The following PTGER3 variants were observed in gnomAD, a reference collection of about 807,000 sequenced individuals.
The protein encoded by PTGER3 is prostaglandin E receptor 3.
Under a neutral mutation model 34.7 loss-of-function variants are expected in PTGER3, and 22 were observed. The ratio of observed to expected loss-of-function variants is 0.63; its 90% CI spans 0.45 to 0.91. The LOEUF (loss-of-function observed/expected upper bound fraction) is 0.91. Ranked by LOEUF, PTGER3 falls within the 40% of genes least tolerant of loss-of-function variation. PTGER3 has a pLI of 0.00. For missense variants in PTGER3, 468 were observed against 519.4 expected (o/e 0.90, Z 0.96); for synonymous variants, 241 against 230.1 (o/e 1.05, Z -0.43).
At chr1:70,905,059 C>G (rs1213466694) in intron 4 of PTGER3, among the ~76,000 whole-genome samples, 2 of 152,094 alleles carry the variant, frequency 1.3e-5, no homozygotes, top group African/African-American at 2.4e-5. Context: ...AAAGGGCTAA[C>G]ATGGAGCTCA....
chr1:70,982,174 A>C (rs540925362), intron 2 of PTGER3, among the ~76,000 whole-genome samples: 1 of 152,236 alleles, frequency 6.6e-6, no homozygotes, highest in East Asian at 1.9e-4. Flanking sequence ...TTCCCTGTAC[A>C]TCTACTTCTG....
chr1:70,884,087 A>AAAAC (rs13306009), intron 4 of PTGER3: 16,040 of 398,426 alleles, frequency 0.04, 1,198 homozygotes, highest in East Asian at 0.18. Context: ...ACTCCATCTC[A>AAAAC]AAACAAACAA....
At chr1:70,863,111 C>G (rs1048206443) in intron 4 of PTGER3, among the ~76,000 whole-genome samples, 1 of 151,800 alleles carries the variant, frequency 6.6e-6, no homozygotes, top group Non-Finnish European at 1.5e-5. Flanking sequence ...TGGGCCATAA[C>G]ATGAGCTACA....
chr1:71,025,596 T>C (rs1658857930), intron 1 of PTGER3, among the ~76,000 whole-genome samples: 1 of 152,186 alleles, frequency 6.6e-6, no homozygotes. Context: ...TGCCCAAAAA[T>C]ATAACACCAT....
downstream of PTGER3, among the ~76,000 whole-genome samples, chr1:70,970,194 G>T (rs914418765): frequency 3.3e-5 from 5 of 152,026 alleles, no homozygotes; most frequent in Non-Finnish European, 7.4e-5. Context: ...ATGAAAAATC[G>T]GTTAAGCCCT....
At chr1:70,936,090 A>T (rs560698014) in intron 4 of PTGER3, among the ~76,000 whole-genome samples, 3 of 152,188 alleles carry the variant, frequency 2.0e-5, no homozygotes, top group Non-Finnish European at 4.4e-5. Flanking sequence ...GTGAAATAAT[A>T]CAAAGTGGAT....
intron 4 of PTGER3, among the ~76,000 whole-genome samples, chr1:70,864,068 G>A (rs1645988630): frequency 6.6e-6 from 1 of 151,922 alleles, no homozygotes; most frequent in African/African-American, 2.4e-5. Context: ...CCAGACACAG[G>A]GAACTAAAAA....
chr1:70,870,526 G>A (rs1039886328), intron 4 of PTGER3, among the ~76,000 whole-genome samples: 1 of 152,226 alleles, frequency 6.6e-6, no homozygotes, highest in Non-Finnish European at 1.5e-5. Context: ...TGGCTAGGCT[G>A]AGAAATCTTC....
In PTGER3 at chr1:70,942,536, C is replaced by G. The variant is rs143968048; in HGVS notation, c.*23+11227G>C. Among the ~76,000 whole-genome samples the G allele has an allele frequency of 2.5e-3, 382 of 152,158 alleles. 1 individual carries two copies. The highest frequency in any genetic ancestry group is 8.7e-3 in the African/African-American group (361 of 41,518). On this transcript the variant is annotated intron_variant, in intron 4 of 4. Coordinates refer to the PTGER3 transcript ENST00000370931. ...GCAATGCTCACTCTTGCATTTATAC[C>G]TTTGTTCCTGCTGTTCTATCCACAG...
intron 4 of PTGER3, among the ~76,000 whole-genome samples, chr1:70,863,207 C>T (rs1309462332): frequency 3.3e-5 from 5 of 151,756 alleles, no homozygotes; most frequent in Non-Finnish European, 5.9e-5. Context: ...CTCCCATGTT[C>T]GTCTTTGCCC....
intron 4 of PTGER3, among the ~76,000 whole-genome samples, chr1:70,886,500 C>A (rs1181621421): frequency 6.6e-6 from 1 of 152,168 alleles, no homozygotes; most frequent in East Asian, 1.9e-4. Context: ...CACTATCTCC[C>A]AGATACCACA....
At chr1:70,909,580 T>C (rs1647020758) in intron 4 of PTGER3, among the ~76,000 whole-genome samples, 1 of 152,078 alleles carries the variant, frequency 6.6e-6, no homozygotes, top group African/African-American at 2.4e-5. Context: ...GCTCCTCAAG[T>C]GTTAGAGTTC....
chr1:71,040,015 C>A (rs1481067794), intron 1 of PTGER3, among the ~76,000 whole-genome samples: 2 of 145,240 alleles, frequency 1.4e-5, no homozygotes, highest in Admixed American at 1.4e-4. Flanking sequence ...GTGAAATGAG[C>A]TGGGTAGGCA....
intron 2 of PTGER3, among the ~76,000 whole-genome samples, chr1:70,976,513 T>A (rs567485470): frequency 3.9e-5 from 6 of 152,256 alleles, no homozygotes; most frequent in South Asian, 2.1e-4. Context: ...AATTCCATTT[T>A]AAAAAATTGC....
At chr1:70,949,119 A>G (rs1650501696), downstream of PTGER3, among the ~76,000 whole-genome samples, 1 of 151,910 alleles carries the variant, frequency 6.6e-6, no homozygotes, top group South Asian at 2.1e-4. Flanking sequence ...AGGGAGTTAC[A>G]TACACAAACA....
At chr1:70,963,853 C>A (rs1367578776) in intron 2 of PTGER3, among the ~76,000 whole-genome samples, 1 of 152,120 alleles carries the variant, frequency 6.6e-6, no homozygotes, top group Non-Finnish European at 1.5e-5. Context: ...ATGGGTTTTT[C>A]TTTTCTATTG....
At chr1:70,859,217 A>G (rs1645875358) in intron 4 of PTGER3, among the ~76,000 whole-genome samples, 1 of 152,240 alleles carries the variant, frequency 6.6e-6, no homozygotes, top group Non-Finnish European at 1.5e-5. Flanking sequence ...ATTATTCCTT[A>G]GAAAGAGCAA....
chr1:70,869,272 G>A, intron 4 of PTGER3: 3 of 471,524 alleles, frequency 6.4e-6, no homozygotes, highest in South Asian at 3.1e-5. Flanking sequence ...AAGTCCTGGG[G>A]ACCTGCCTCC....
intron 2 of PTGER3, among the ~76,000 whole-genome samples, chr1:70,964,450 A>G (rs183928179): frequency 2.1e-4 from 32 of 152,328 alleles, no homozygotes; most frequent in Admixed American, 7.8e-4. Context: ...AGGCCTCACA[A>G]TCATGGCAGG....
Sources: gnomAD v4.1 joint callset for allele counts (sites outside exome capture counted in the v4.1 genomes callset) on GRCh38, gnomAD v4.1.1 for gene constraint, MANE v1.5 for transcripts, NCBI Gene and HGNC (gene_info 2026-07-23, HGNC 2026-07-21) for gene names.